Variants in FAM83F observed in about 807,000 individuals in gnomAD.
FAM83F encodes protein FAM83F.
A neutral mutation model predicts 42.9 loss-of-function variants in FAM83F; 45 were observed. That is an observed-to-expected ratio of 1.05 (90% CI 0.83 to 1.35). The LOEUF (loss-of-function observed/expected upper bound fraction) is 1.35. FAM83F is among the 40% of genes most tolerant of loss of function. The pLI is 0.00. For synonymous variants in FAM83F, 306 were observed against 298.3 expected (o/e 1.03, Z -0.27); for missense variants, 617 against 695.9 (o/e 0.89, Z 1.28).
chr22:40,009,350 G>A (rs993241827), intron 1 of FAM83F, among the ~76,000 whole-genome samples: 2 of 152,170 alleles, frequency 1.3e-5, no homozygotes, highest in Non-Finnish European at 1.5e-5. Context: ...GCAGGCAACA[G>A]CAGCCGCACC....
intron 3 of FAM83F, among the ~76,000 whole-genome samples, chr22:40,020,275 A>G (rs2067512552): frequency 6.6e-6 from 1 of 151,842 alleles, no homozygotes; most frequent in Non-Finnish European, 1.5e-5. Context: ...GAGGCTAGTC[A>G]TTAGGTAGGA....
At chr22:40,007,546 TCTC>T (rs2067441101) in intron 1 of FAM83F, among the ~76,000 whole-genome samples, 1 of 7,532 alleles carries the variant, frequency 1.3e-4, no homozygotes, top group Non-Finnish European at 2.9e-4. Flanking sequence ...CTCCTCCTCC[TCTC>T]CTCCTCCTCT....
At chr22:40,014,131 C>CTTTTTTT (rs57224519) in intron 1 of FAM83F, among the ~76,000 whole-genome samples, 2,969 of 116,758 alleles carry the variant, frequency 0.025, 2 homozygotes, top group Non-Finnish European at 0.031. Context: ...TATTTCTTTT[C>CTTTTTTT]TTTTTTTTTT....
chr22:40,018,605 A>ATTT (rs5845446), intron 1 of FAM83F, among the ~76,000 whole-genome samples: 3 of 135,524 alleles, frequency 2.2e-5, no homozygotes, highest in Non-Finnish European at 3.2e-5. Flanking sequence ...CGCCTGGCTA[A>ATTT]TTTTTTTTTT....
At chr22:40,009,876 A>C (rs2067453798) in intron 1 of FAM83F, 2 of 152,340 alleles carry the variant, frequency 1.3e-5, no homozygotes, top group Admixed American at 1.3e-4. Context: ...GAGAATTGGA[A>C]ATGCCGGCAG....
Position 40,029,730 on chromosome 22 carries a change from G to GGGTC in FAM83F, c.*166_*169dup. 9.8e-7 allele frequency: 1 copy of GGGTC among 1,019,426 alleles called. No individual in the cohort carries two copies. The highest frequency in any genetic ancestry group is 1.4e-6 in the Non-Finnish European group (1 of 716,560). 63.1% of individuals were successfully genotyped at this position (1,019,426 alleles called of 1,614,324 possible). On this transcript the variant is annotated 3_prime_UTR_variant, in exon 5 of 5. Transcript: ENST00000333407. ...CAGGGACGCTGGATCCCAAATGAGAGGGTCCGAAGCATCTCAGTCACACGC... is the reference window on the plus strand; with the variant it reads ...CAGGGACGCTGGATCCCAAATGAGAGGGTCGGTCCGAAGCATCTCAGTCACACGC...
At chr22:39,998,707 T>G (rs1001693680) in intron 1 of FAM83F, 2 of 152,216 alleles carry the variant, frequency 1.3e-5, no homozygotes, top group African/African-American at 4.8e-5. Context: ...TTCTGCTGTT[T>G]TTTTTGTTTT....
At chr22:40,010,861 C>T (rs1308330834) in intron 1 of FAM83F, among the ~76,000 whole-genome samples, 2 of 152,206 alleles carry the variant, frequency 1.3e-5, no homozygotes, top group Non-Finnish European at 2.9e-5. Context: ...ACATTGTGTT[C>T]AAACCCTCCG....
At chr22:40,015,579 C>A (rs2145717035) in intron 1 of FAM83F, among the ~76,000 whole-genome samples, 1 of 152,268 alleles carries the variant, frequency 6.6e-6, no homozygotes, top group Admixed American at 6.5e-5. Flanking sequence ...GCTCCCACTC[C>A]CCTCCTCAGC....
At chr22:40,029,168 G>A (rs529783481) in intron 4 of FAM83F, among the ~76,000 whole-genome samples, 1 of 150,262 alleles carries the variant, frequency 6.7e-6, no homozygotes, top group African/African-American at 2.4e-5. Context: ...AGAAACAAAA[G>A]AATGGCTAGT....
At chr22:40,004,783 A>G (rs2067419685) in intron 1 of FAM83F, among the ~76,000 whole-genome samples, 1 of 152,112 alleles carries the variant, frequency 6.6e-6, no homozygotes, top group Non-Finnish European at 1.5e-5. Flanking sequence ...TTTTCATTTT[A>G]CGGATGAGGA....
chr22:40,028,552 T>G (rs1186652365), intron 4 of FAM83F, among the ~76,000 whole-genome samples: 1 of 152,054 alleles, frequency 6.6e-6, no homozygotes. Context: ...CTCGCAGGCC[T>G]GCAGGTGTCA....
At chr22:40,001,831 C>A (rs1482019499) in intron 1 of FAM83F, among the ~76,000 whole-genome samples, 1 of 152,064 alleles carries the variant, frequency 6.6e-6, no homozygotes, top group Non-Finnish European at 1.5e-5. Flanking sequence ...AATTTTCTCC[C>A]CAGAAGTTAG....
intron 1 of FAM83F, among the ~76,000 whole-genome samples, chr22:40,001,894 T>C (rs1569229293): frequency 6.6e-6 from 1 of 152,186 alleles, no homozygotes; most frequent in Non-Finnish European, 1.5e-5. Flanking sequence ...CCAAAGACCC[T>C]GTGCCGGCGT....
Position 40,043,193 on chromosome 22 carries a change from C to T in FAM83F, c.*13628C>T. 6.6e-6 allele frequency: 1 copy of T among 152,126 alleles called. No homozygotes were observed. The highest frequency in any genetic ancestry group is 1.9e-4 in the East Asian group (1 of 5,206). The allele number at this position is 152,126 out of a possible 1,614,324, so 9.4% of individuals were successfully genotyped here. A position where few individuals can be genotyped will look rare whatever the true frequency, so the allele number is the denominator to read the frequency against. On this transcript the variant is annotated 3_prime_UTR_variant, in exon 5 of 5. Coordinates refer to ENST00000333407, the MANE Select transcript of FAM83F (RefSeq NM_138435.4). ...AAGGAGGTTACACAACAGCTTGGAT[C>T]AGGAAGTGAAACAAGGGCGGTGATC...
chr22:39,997,962 G>A (rs2067379717), intron 1 of FAM83F: 1 of 152,390 alleles, frequency 6.6e-6, no homozygotes, highest in Admixed American at 6.5e-5. Context: ...TTTCACAGGT[G>A]AGGAAACTGA....
intron 1 of FAM83F, among the ~76,000 whole-genome samples, chr22:40,014,673 TCTC>T (rs1328434907): frequency 1.3e-5 from 2 of 152,352 alleles, no homozygotes; most frequent in East Asian, 1.9e-4. Context: ...TTTATTTACA[TCTC>T]CTCCTTTTTT....
chr22:40,004,159 G>A (rs976455179), intron 1 of FAM83F, among the ~76,000 whole-genome samples: 8 of 152,010 alleles, frequency 5.3e-5, no homozygotes, highest in African/African-American at 1.9e-4. Context: ...TAAGTCTAAT[G>A]GGGGGTGACA....
At chr22:40,016,023 A>G (rs2067490618) in intron 1 of FAM83F, among the ~76,000 whole-genome samples, 1 of 152,152 alleles carries the variant, frequency 6.6e-6, no homozygotes, top group Admixed American at 6.5e-5. Context: ...TATTTGGGCC[A>G]AGATTTAGGA....
Sources: gnomAD v4.1 joint callset for allele counts (sites outside exome capture counted in the v4.1 genomes callset) on GRCh38, gnomAD v4.1.1 for gene constraint, MANE v1.5 for transcripts, NCBI Gene and HGNC (gene_info 2026-07-23, HGNC 2026-07-21) for gene names.